The following PLXND1 variants were observed in gnomAD, a reference collection of about 807,000 sequenced individuals.
The protein encoded by PLXND1 is plexin-D1.
A neutral mutation model predicts 197.7 loss-of-function variants in PLXND1; 54 were observed. That is an observed-to-expected ratio of 0.27 (90% CI 0.22 to 0.34). PLXND1 has a LOEUF of 0.34. PLXND1 is among the 10% of genes least tolerant of loss of function. The pLI is 1.00. For missense variants in PLXND1, 2,127 were observed against 2,699.2 expected (o/e 0.79, Z 4.70); for synonymous variants, 1,180 against 1,161.2 (o/e 1.02, Z -0.33).
chr3:129,574,211 G>A (rs879718358), intron 12 of PLXND1, 125 bp downstream of exon 12: 61 of 816,482 alleles, frequency 7.5e-5, no homozygotes, highest in Non-Finnish European at 1.1e-4. Flanking sequence ...TTGTTCACAG[G>A]TGATACTGCA....
intron 1 of PLXND1, among the ~76,000 whole-genome samples, chr3:129,591,045 CAATA>C (rs1174594743): frequency 3.3e-5 from 5 of 152,208 alleles, no homozygotes; most frequent in Admixed American, 3.3e-4. Flanking sequence ...CAAAAGAAAG[CAATA>C]AATAGTGGGT....
rs948207546 is a variant in PLXND1 at position 129,605,684 on chromosome 3, G to A, written c.956C>T (p.Ala319Val). The A allele has an allele frequency of 2.6e-6, 4 of 1,537,724 alleles. No individual in the cohort carries two copies. In the African/African-American group the frequency reaches 4.1e-5, roughly 16 times the overall value. ...GGCGCCGTGGGGCAGGCAGATGCGC[G>A]CCAGCAGGCTCCGCGCCTGGCTCTC... ...DKESQARSLL[A>V]RICLPHGAGG... Residue 319 changes from alanine to valine, a missense_variant, in exon 1 of 36, where the codon GCG (alanine) becomes GTG (valine). By Grantham distance (64) the Ala-to-Val change is moderately conservative. This residue lies in a region of PLXND1 where 1,095 missense variants were observed against 1,259.8 expected (regional missense o/e 0.87). Transcript: ENST00000324093.
In PLXND1 at chr3:129,575,491, C is replaced by T. The variant is rs1455911692; in HGVS notation, c.2508G>A (p.Leu836=). 1.3e-6 allele frequency: 2 copies of T among 1,554,000 alleles called. No individual in the cohort carries two copies. Among genetic ancestry groups the T allele is most frequent in the African/African-American group, 2.7e-5 (2 of 73,234 alleles). The change falls in exon 11 of 36, where the codon CTG becomes CTA. Residue 836 remains leucine (L), a synonymous_variant. Coordinates refer to ENST00000324093, the MANE Select transcript of PLXND1 (RefSeq NM_015103.3). ...LQLKGRPARF[L]DSPEPMTVMV... ...CACCTGTCATGGGCTCAGGGCTGTC[C>T]AGGAATCGGGCTGGCCGCCCCTTTA... is the stretch of plus-strand genomic sequence containing the variant.
intron 11 of PLXND1, among the ~76,000 whole-genome samples, chr3:129,574,799 G>A (rs115900144): frequency 0.011 from 1,691 of 152,304 alleles, 10 homozygotes; most frequent in Non-Finnish European, 0.017. Context: ...CAGACAGGAG[G>A]GACTCGCCTG....
intron 1 of PLXND1, among the ~76,000 whole-genome samples, chr3:129,597,692 G>A (rs981275336): frequency 1.3e-5 from 2 of 152,230 alleles, no homozygotes; most frequent in South Asian, 2.1e-4. Flanking sequence ...AGTATCAGCC[G>A]AGCAGGGTGG....
intron 20 of PLXND1, among the ~76,000 whole-genome samples, chr3:129,568,161 A>G (rs72628504): frequency 0.064 from 9,673 of 151,508 alleles, 486 homozygotes; most frequent in East Asian, 0.22. Context: ...GGGTGGGAGG[A>G]TTCTGGGTGA....
Position 129,566,573 on chromosome 3 carries a change from C to T in PLXND1, c.4145G>A (p.Gly1382Asp), listed in dbSNP as rs200954386. 12 of 1,613,486 alleles carry T rather than the reference C, an allele frequency of 7.4e-6. No homozygotes were observed. Among genetic ancestry groups the T allele is most frequent in the Non-Finnish European group, 1.0e-5 (12 of 1,179,564 alleles). Reference sequence around the variant, plus strand: ...GTGGGTTTCCTGTGCCTGGGAGCTGCCCTGGGAGTTGAGGGTCTGGGAGGG... The same window carrying T: ...GTGGGTTTCCTGTGCCTGGGAGCTGTCCTGGGAGTTGAGGGTCTGGGAGGG... ...VLPSQTLNSQGSSQAQETHPL... is the reference protein window; with the variant it reads ...VLPSQTLNSQDSSQAQETHPL... The change falls in exon 23 of 36, where the codon GGC becomes GAC. Residue 1382 changes from glycine to aspartate, a missense_variant. Gly to Asp is a moderately conservative substitution (Grantham distance 94). Around this residue, in one of 6 missense-constraint regions of PLXND1, gnomAD observed 532 missense variants for 811.0 expected, o/e 0.66. Coordinates refer to ENST00000324093, the MANE Select transcript of PLXND1 (RefSeq NM_015103.3).
In PLXND1 at chr3:129,605,901, C is replaced by A; in HGVS notation, c.739G>T (p.Gly247Cys). The A allele has an allele frequency of 6.2e-7, 1 of 1,613,420 alleles. No individual in the cohort carries two copies. The highest frequency in any genetic ancestry group is 1.1e-5 in the South Asian group (1 of 91,068). Residue 247 changes from glycine to cysteine, a missense_variant, in exon 1 of 36, where the codon GGC becomes TGC. This residue lies in a region of PLXND1 where 1,095 missense variants were observed against 1,259.8 expected (regional missense o/e 0.87). Transcript: ENST00000324093. ...EIAIRSLDTR[G>C]DLAKLFTFDL... Reference sequence around the variant, plus strand: ...AAGGTGAAGAGCTTGGCCAGGTCGCCGCGCGTGTCCAGGGAGCGGATGGCG... The same window carrying A: ...AAGGTGAAGAGCTTGGCCAGGTCGCAGCGCGTGTCCAGGGAGCGGATGGCG...
At position 129,555,722 on chromosome 3, in the gene PLXND1, C is replaced by T; in HGVS notation, c.*590G>A. 1.9e-6 allele frequency: 1 copy of T among 522,268 alleles called. No individual in the cohort carries two copies. Among genetic ancestry groups the T allele is most frequent in the East Asian group, 3.4e-5 (1 of 29,416 alleles). The allele number at this position is 522,268 out of a possible 1,614,324, so 32.4% of individuals were successfully genotyped here. On this transcript the variant is annotated 3_prime_UTR_variant, in exon 36 of 36. Transcript: ENST00000324093. ...TCCTGGAGAAGCCCACAGAGCACCC[C>T]ATGGCGCGGGCACTGCCCACTCTAC...
Position 129,560,406 on chromosome 3 carries a change from G to A in PLXND1, c.5057C>T (p.Pro1686Leu), listed in dbSNP as rs2085039780. ...LVLPTDELAE[P>L]KKSHRQSHRK... ...ATGGCTCTGCCGGTGAGACTTCTTG[G>A]GCTCCGCCAGCTCGTCCGTAGGCAG... The change falls in exon 31 of 36, where the codon CCC becomes CTC. Residue 1686 changes from proline (P) to leucine (L), a missense_variant. Physicochemically the swap from Pro to Leu is moderately conservative, Grantham distance 98. This residue lies in a region of PLXND1 where 53 missense variants were observed against 41.4 expected (regional missense o/e 1.28). Transcript: ENST00000324093. 6.2e-7 allele frequency: 1 copy of A among 1,613,820 alleles called. No homozygotes were observed.
rs544521694 is a variant in PLXND1 at position 129,568,032 on chromosome 3, C to T, written c.3866-227G>A. Among the ~76,000 whole-genome samples, 110 of 151,796 alleles carry T rather than the reference C, an allele frequency of 7.2e-4. 2 individuals are homozygous for T. Among genetic ancestry groups the T allele is most frequent in the African/African-American group, 2.6e-3 (106 of 41,368 alleles). On this transcript the variant is annotated intron_variant, in intron 20 of 35. Coordinates refer to ENST00000324093, the MANE Select transcript of PLXND1 (RefSeq NM_015103.3). ...GCCAGCAAAGCAATGCCTGATGACC[C>T]GTCCTTAGAAAAAGAAGTGTGTAGT... is the stretch of plus-strand genomic sequence containing the variant.
At chr3:129,560,027 C>G (rs577041040) in intron 31 of PLXND1, among the ~76,000 whole-genome samples, 1 of 152,236 alleles carries the variant, frequency 6.6e-6, no homozygotes, top group East Asian at 1.9e-4. Flanking sequence ...GGGGTGCCGG[C>G]GCTGCCACTG....
At chr3:129,589,850 C>T (rs987230107) in intron 1 of PLXND1, among the ~76,000 whole-genome samples, 2 of 152,066 alleles carry the variant, frequency 1.3e-5, no homozygotes, top group Admixed American at 6.5e-5. Flanking sequence ...ACACCCGCAC[C>T]CCCTTGGGGC....
chr3:129,570,689 G>C lies in PLXND1; in HGVS notation c.3750+97C>G, dbSNP rs376188845. The C allele has an allele frequency of 8.2e-5, 101 of 1,227,662 alleles. No homozygotes were observed. In the East Asian group the frequency reaches 2.2e-3, roughly 27 times the overall value. The allele number at this position is 1,227,662 out of a possible 1,614,324, so 76.0% of individuals were successfully genotyped here. A position where few individuals can be genotyped will look rare whatever the true frequency, so the allele number is the denominator to read the frequency against. ...GGACTGAGCTGTTGAGCGTGAAAAC[G>C]CTCAGTGAATTCAGGTGCTGGGTGA... On this transcript the variant is annotated intron_variant, in intron 19 of 35. Transcript: ENST00000324093.
intron 22 of PLXND1, among the ~76,000 whole-genome samples, chr3:129,566,954 T>A (rs2085149944): frequency 6.6e-6 from 1 of 152,154 alleles, no homozygotes. Context: ...TGAAAAATGA[T>A]GTAGTCAAAC....
intron 5 of PLXND1, 109 bp downstream of exon 5, chr3:129,585,843 G>A: frequency 7.0e-7 from 1 of 1,432,120 alleles, no homozygotes. Flanking sequence ...TTTGTCTTCA[G>A]GTCCTTGGGG....
rs2085162982 is a variant in PLXND1, at chr3:129,567,704, G to C, written c.3967C>G (p.Arg1323Gly). ...EMESQIREEI[R>G]KGFAELQTDM... The stretch of plus-strand genomic sequence containing the variant: ...CAGGGTCCCCGCCCACTACCTTTGC[G>C]GATTTCCTCTCGGATCTGAGATTCC... The change falls in exon 21 of 36, where the codon CGC (arginine) becomes GGC (glycine). Residue 1323 changes from arginine to glycine, a missense_variant. This residue lies in a region of PLXND1 where 532 missense variants were observed against 811.0 expected (regional missense o/e 0.66). Coordinates refer to ENST00000324093, the MANE Select transcript of PLXND1 (RefSeq NM_015103.3). The C allele has an allele frequency of 6.2e-7, 1 of 1,607,280 alleles. No individual in the cohort carries two copies. The highest frequency in any genetic ancestry group is 1.7e-5 in the Admixed American group (1 of 59,970).
At position 129,556,345 on chromosome 3, in the gene PLXND1, C is replaced by T. The variant is rs752053738; in HGVS notation, c.5745G>A (p.Glu1915=). ...CACTGTAGCACTCGTAGATGTTGTC[C>T]TCCATCAAAGCCACCACCTGCTCAA... The part of the protein sequence containing the change: ...HKFEQVVALM[E]DNIYECYSEA The change falls in exon 36 of 36, where the codon GAG becomes GAA. Residue 1915 remains glutamate, a synonymous_variant. Transcript: ENST00000324093. 3 of 1,613,872 alleles carry T rather than the reference C, an allele frequency of 1.9e-6. No homozygotes were observed. Among genetic ancestry groups the T allele is most frequent in the Admixed American group, 1.7e-5 (1 of 60,028 alleles).
chr3:129,588,842 C>T (rs569409962), intron 2 of PLXND1, among the ~76,000 whole-genome samples: 19 of 152,330 alleles, frequency 1.2e-4, no homozygotes, highest in African/African-American at 3.1e-4. Context: ...GGGCCACGGG[C>T]TGGGGTACAG....
Sources: gnomAD v4.1 joint callset for allele counts (sites outside exome capture counted in the v4.1 genomes callset) on GRCh38, gnomAD v4.1.1 for gene constraint, gnomAD v4.1.1 regional missense constraint, MANE v1.5 for transcripts, NCBI Gene and HGNC (gene_info 2026-07-23, HGNC 2026-07-21) for gene names.